The following NDOR1 variants were observed in gnomAD, a reference collection of about 807,000 sequenced individuals.
NDOR1 encodes the protein NADPH-dependent diflavin oxidoreductase 1.
A neutral mutation model predicts 67.2 loss-of-function variants in NDOR1; 61 were observed. The ratio of observed to expected loss-of-function variants is 0.91; its 90% confidence interval spans 0.74 to 1.12. The LOEUF (loss-of-function observed/expected upper bound fraction) is 1.12, where lower values mean the gene tolerates loss of function less well. Among genes scored for constraint, NDOR1 ranks in the 50% most tolerant of loss-of-function variants. The probability of loss-of-function intolerance (pLI) is 0.00; values close to 1 mark genes in which losing one functional copy is unlikely to be tolerated. For synonymous variants in NDOR1, 378 were observed against 343.7 expected (o/e 1.10, Z -1.10); for missense variants, 878 against 802.8 (o/e 1.09, Z -1.13).
intron 13 of NDOR1, 34 bp from the exon 14 acceptor site, chr9:137,216,238 G>C: frequency 6.2e-7 from 1 of 1,612,870 alleles, no homozygotes. Context: ...TGAGTGCCAG[G>C]CCTCATTGCG....
intron 2 of NDOR1, among the ~76,000 whole-genome samples, chr9:137,211,336 C>G (rs1434497600): frequency 6.6e-6 from 1 of 152,022 alleles, no homozygotes; most frequent in Non-Finnish European, 1.5e-5. Context: ...CAGGAAGGGC[C>G]CTGCTGAGAA....
rs984990094 is a variant in NDOR1, at chr9:137,212,856, G to A, written c.311+257G>A. 3 of 493,204 alleles carry A rather than the reference G, an allele frequency of 6.1e-6. No individual in the cohort carries two copies. The highest frequency in any genetic ancestry group is 7.4e-6 in the Non-Finnish European group (2 of 272,008). 30.6% of individuals were successfully genotyped at this position (493,204 alleles called of 1,614,324 possible). A position where few individuals can be genotyped will look rare whatever the true frequency, so the allele number is the denominator to read the frequency against. Reference sequence around the variant, plus strand: ...CTGACGTCACACAGGCCTACCTGGCGCCGGTCCCCACTTTTACAAAAAGGC... The same window carrying A: ...CTGACGTCACACAGGCCTACCTGGCACCGGTCCCCACTTTTACAAAAAGGC... On this transcript the variant is annotated intron_variant, in intron 3 of 13. Coordinates refer to ENST00000684003, the MANE Select transcript of NDOR1 (RefSeq NM_014434.4). The surrounding 1 kb of genome is among the most constrained non-coding windows in gnomAD (Gnocchi z 4.3).
Position 137,216,020 on chromosome 9 carries a change from G to C in NDOR1, c.1554+3G>C. 1 of 1,613,610 alleles carries C rather than the reference G, an allele frequency of 6.2e-7. No individual in the cohort carries two copies. The highest frequency in any genetic ancestry group is 8.5e-7 in the Non-Finnish European group (1 of 1,180,012). ...TCCCTGCCTTCTCCCGGGAACAGGT[G>C]TGTATGCTCAGGGGCTGGGAAAGGA... On this transcript the variant is annotated splice_donor_region_variant and intron_variant, in intron 12 of 13. Coordinates refer to ENST00000684003, the MANE Select transcript of NDOR1 (RefSeq NM_014434.4).
chr9:137,208,429 C>T (rs1026329582), intron 2 of NDOR1, among the ~76,000 whole-genome samples: 4 of 151,280 alleles, frequency 2.6e-5, no homozygotes, highest in Non-Finnish European at 4.4e-5. Context: ...CCAGCCTGGG[C>T]GACAGAGCGA....
chr9:137,206,699 A>G (rs1834988236), intron 2 of NDOR1, among the ~76,000 whole-genome samples: 1 of 152,136 alleles, frequency 6.6e-6, no homozygotes, highest in Non-Finnish European at 1.5e-5. Flanking sequence ...CAGCAGCCAT[A>G]TTTCCATCCT....
In NDOR1 at chr9:137,212,624, C is replaced by T. The variant is rs372310189; in HGVS notation, c.311+25C>T. ...AGTGAGTAGGGGATGGGACAGTGGG[C>T]GGACGGAACAGTTCTGGGGGTCGAG... On this transcript the variant is annotated intron_variant, in intron 3 of 13. Coordinates refer to ENST00000684003, the MANE Select transcript of NDOR1 (RefSeq NM_014434.4). This position sits in a 1 kb window ranked among gnomAD's most constrained non-coding sequence, Gnocchi z 4.3. 10 of 1,590,974 alleles carry T rather than the reference C, an allele frequency of 6.3e-6. No individual in the cohort carries two copies. The highest frequency in any genetic ancestry group is 3.3e-5 in the Admixed American group (2 of 59,990).
intron 2 of NDOR1, among the ~76,000 whole-genome samples, chr9:137,210,226 C>T (rs1013365587): frequency 1.3e-5 from 2 of 152,134 alleles, no homozygotes; most frequent in African/African-American, 4.8e-5. Flanking sequence ...TTCTCTTTTT[C>T]TTTTTCTTTC....
Position 137,216,513 on chromosome 9 carries a change from C to T in NDOR1, c.*97C>T, listed in dbSNP as rs1336054398. 3.0e-5 allele frequency: 43 copies of T among 1,455,354 alleles called. No individual in the cohort carries two copies. The highest frequency in any genetic ancestry group is 3.3e-5 in the Non-Finnish European group (36 of 1,095,182). The allele number at this position is 1,455,354 out of a possible 1,614,324, so 90.2% of individuals were successfully genotyped here. A position where few individuals can be genotyped will look rare whatever the true frequency, so the allele number is the denominator to read the frequency against. ...TCCTGGCCAGCAGCCGTCATCCTCTCGGACCAGCCAGCTGGTCCTCTGGGA... is the reference window on the plus strand; with the variant it reads ...TCCTGGCCAGCAGCCGTCATCCTCTTGGACCAGCCAGCTGGTCCTCTGGGA... On this transcript the variant is annotated 3_prime_UTR_variant, in exon 14 of 14. Transcript: ENST00000684003.
Position 137,215,512 on chromosome 9 carries a change from C to T in NDOR1, c.1279C>T (p.Pro427Ser), listed in dbSNP as rs775947421. The T allele has an allele frequency of 1.2e-6, 2 of 1,613,158 alleles. No homozygotes were observed. Among genetic ancestry groups the T allele is most frequent in the East Asian group, 2.2e-5 (1 of 44,892 alleles). ...CTCCTCCTGGCTGGCATCCCTGGAC[C>T]CTGGGCAAGGTGACCCCTGCTCCCA... ...LCSSWLASLDPGQGPVRVPLW... is the reference protein window; with the variant it reads ...LCSSWLASLDSGQGPVRVPLW... Residue 427 changes from proline to serine, a missense_variant, in exon 10 of 14, where the codon CCT (proline) becomes TCT (serine). By Grantham distance (74) the Pro-to-Ser change is moderately conservative. Coordinates refer to ENST00000684003, the MANE Select transcript of NDOR1 (RefSeq NM_014434.4).
chr9:137,215,445 G>A lies in NDOR1; in HGVS notation c.1212G>A (p.Val404=), dbSNP rs1362011571. The A allele has an allele frequency of 5.0e-6, 8 of 1,613,110 alleles. 1 individual carries two copies. The highest frequency in any genetic ancestry group is 1.1e-5 in the South Asian group (1 of 91,084). ...GGCTGCAGATCCTCGTGGCTGTAGT[G>A]CAGTTCCAGACTCGCCTCAAGGAGC... ...PSRLQILVAV[V]QFQTRLKEPR... is the part of the protein sequence containing the mutation. The change falls in exon 10 of 14, where the codon GTG becomes GTA. Residue 404 remains valine, a synonymous_variant. Transcript: ENST00000684003.
rs377215398 is a variant in NDOR1, at chr9:137,213,975, C to T, written c.419C>T (p.Ala140Val). The T allele has an allele frequency of 9.9e-5, 155 of 1,559,740 alleles. No individual in the cohort carries two copies. The highest frequency in any genetic ancestry group is 1.3e-4 in the Non-Finnish European group (145 of 1,153,250). Residue 140 changes from alanine to valine, a missense_variant, in exon 5 of 14, where the codon GCT (alanine) becomes GTT (valine). Physicochemically the swap from Ala to Val is moderately conservative, Grantham distance 64. Transcript: ENST00000684003. ...GDDQHELGPD[A>V]AVDPWLRDLW... ...CACGTGCTCCCTCCCAGGCCCGACG[C>T]TGCTGTGGACCCCTGGCTGCGAGAC...
Position 137,206,314 on chromosome 9 carries a change from G to A in NDOR1, c.213+5G>A, listed in dbSNP as rs1259750234. The A allele has an allele frequency of 6.2e-7, 1 of 1,613,946 alleles. No homozygotes were observed. Among genetic ancestry groups the A allele is most frequent in the South Asian group, 1.1e-5 (1 of 91,088 alleles). Reference sequence around the variant, plus strand: ...GACCCCCCTGACAACATGAAGGTAAGGCTGGCCTGATGTGGCTCCTCAGAT... The same window carrying A: ...GACCCCCCTGACAACATGAAGGTAAAGCTGGCCTGATGTGGCTCCTCAGAT... On this transcript the variant is annotated splice_donor_5th_base_variant and intron_variant, in intron 2 of 13. Transcript: ENST00000684003.
chr9:137,207,754 A>C (rs1285091619), intron 2 of NDOR1, among the ~76,000 whole-genome samples: 1 of 152,210 alleles, frequency 6.6e-6, no homozygotes, highest in Non-Finnish European at 1.5e-5. Context: ...ATTGTTGGTG[A>C]TACCAGGAAG....
At chr9:137,216,062 C>T in intron 12 of NDOR1, 32 bp from the exon 13 acceptor site, 2 of 1,613,336 alleles carry the variant, frequency 1.2e-6, no homozygotes, top group Non-Finnish European at 1.7e-6. Context: ...GGAGCTCCGG[C>T]TCAGCCCCCA....
At chr9:137,207,314 TAGGTCAA>T in intron 2 of NDOR1, among the ~76,000 whole-genome samples, 1 of 151,272 alleles carries the variant, frequency 6.6e-6, no homozygotes, top group Non-Finnish European at 1.5e-5. Context: ...ACGGACCCAA[TAGGTCAA>T]GCAGAATCGA....
chr9:137,205,975 G>T (rs1053303459), intron 1 of NDOR1, 63 bp downstream of exon 1: 3 of 1,504,264 alleles, frequency 2.0e-6, no homozygotes, highest in Non-Finnish European at 2.6e-6. Flanking sequence ...GCCTCGCGGG[G>T]TCATCGACCC....
At chr9:137,207,442 G>A (rs762030524) in intron 2 of NDOR1, among the ~76,000 whole-genome samples, 11 of 152,064 alleles carry the variant, frequency 7.2e-5, no homozygotes, top group Non-Finnish European at 1.2e-4. Context: ...AGACATTGAA[G>A]TGGAGAAGTG....
In NDOR1 at chr9:137,218,768, G is replaced by C. The variant is rs1835753551; in HGVS notation, c.*2352G>C. On this transcript the variant is annotated 3_prime_UTR_variant, in exon 14 of 14. Transcript: ENST00000684003. ...CCTCCCATTGCTGAACCCACAACCA[G>C]GGCTACCCAGAGGCCTGACCCTGCC... 1 of 397,184 alleles carries C rather than the reference G, an allele frequency of 2.5e-6. No homozygotes were observed. The highest frequency in any genetic ancestry group is 2.1e-5 in the African/African-American group (1 of 48,750). 24.6% of individuals were successfully genotyped at this position (397,184 alleles called of 1,614,324 possible).
chr9:137,215,168 G>A lies in NDOR1; in HGVS notation c.1139G>A (p.Arg380Gln), dbSNP rs371123014. 147 of 1,612,988 alleles carry A rather than the reference G, an allele frequency of 9.1e-5. 2 individuals are homozygous for A. The South Asian group carries it at 1.3e-3, about 14-fold the overall frequency. The change falls in exon 9 of 14, where the codon CGG (arginine) becomes CAG (glutamine). Residue 380 changes from arginine to glutamine, a missense_variant. Transcript: ENST00000684003. Reference protein sequence around the residue: ...DYLLDLIPVIRPRAFSIASSL... With the variant: ...DYLLDLIPVIQPRAFSIASSL... ...CTGTTGGACCTCATCCCCGTTATCC[G>A]GCCGAGGGCCTTCTCCATCGCCTCC...
Sources: gnomAD v4.1 joint callset for allele counts (sites outside exome capture counted in the v4.1 genomes callset) on GRCh38, gnomAD v4.1.1 for gene constraint, Gnocchi (gnomAD v3.1) non-coding constraint, MANE v1.5 for transcripts, NCBI Gene and HGNC (gene_info 2026-07-23, HGNC 2026-07-21) for gene names.